RAB21: variants seen among roughly 807,000 people sequenced by gnomAD.
RAB21 encodes the protein RAB21, member RAS oncogene family, also known as ras-related protein Rab-21.
RAB21 carries 13 observed loss-of-function variants against 33.1 expected under a neutral mutation model. The ratio of observed to expected loss-of-function variants is 0.39; its 90% CI spans 0.26 to 0.62. The LOEUF (loss-of-function observed/expected upper bound fraction) is 0.62, where lower values mean the gene tolerates loss of function less well. RAB21 is among the 20% of genes least tolerant of loss of function. The pLI, the probability that RAB21 is intolerant of heterozygous loss-of-function variation, is 0.48. For synonymous variants in RAB21, 91 were observed against 103.7 expected (o/e 0.88, Z 0.74); for missense variants, 234 against 279.1 (o/e 0.84, Z 1.15).
intron 4 of RAB21, among the ~76,000 whole-genome samples, chr12:71,780,035 G>C (rs1883175483): frequency 6.6e-6 from 1 of 152,148 alleles, no homozygotes. Flanking sequence ...AGAAATAATA[G>C]TTATTTAGAT....
chr12:71,798,514 A>G lies in RAB21; in HGVS notation c.*12841A>G, dbSNP rs943275766. ...AATCATATCATGCATTGCTTAATTTATAAAGAACACCTAGAAATGAAAAAG... is the reference window on the plus strand; with the variant it reads ...AATCATATCATGCATTGCTTAATTTGTAAAGAACACCTAGAAATGAAAAAG... On this transcript the variant is annotated 3_prime_UTR_variant, in exon 7 of 7. Transcript: ENST00000261263. 9.2e-5 allele frequency: 14 copies of G among 152,208 alleles called. No homozygotes were observed. Among genetic ancestry groups the G allele is most frequent in the African/African-American group, 3.1e-4 (13 of 41,460 alleles). The allele number at this position is 152,208 out of a possible 1,614,324, so 9.4% of individuals were successfully genotyped here.
chr12:71,788,516 G>A lies in RAB21; in HGVS notation c.*2843G>A, dbSNP rs1883329632. 6.6e-6 allele frequency: 1 copy of A among 152,134 alleles called. No homozygotes were observed. Among genetic ancestry groups the A allele is most frequent in the African/African-American group, 2.4e-5 (1 of 41,448 alleles). 9.4% of individuals were successfully genotyped at this position (152,134 alleles called of 1,614,324 possible). Reference sequence around the variant, plus strand: ...AACTTCAGTATATATACAAAGGAAAGACAAAGAGATGATAAACCAAGGCTG... The same window carrying A: ...AACTTCAGTATATATACAAAGGAAAAACAAAGAGATGATAAACCAAGGCTG... On this transcript the variant is annotated 3_prime_UTR_variant, in exon 7 of 7. Coordinates refer to ENST00000261263, the MANE Select transcript of RAB21 (RefSeq NM_014999.4).
intron 1 of RAB21, among the ~76,000 whole-genome samples, chr12:71,758,573 C>T (rs1468144028): frequency 6.6e-6 from 1 of 151,722 alleles, no homozygotes; most frequent in Non-Finnish European, 1.5e-5. Context: ...CCTCCAACTC[C>T]TGGGTTCAAG....
rs537266820 is a variant in RAB21, at chr12:71,793,172, G to A, written c.*7499G>A. 6.6e-6 allele frequency: 1 copy of A among 152,226 alleles called. No individual in the cohort carries two copies. Among genetic ancestry groups the A allele is most frequent in the Admixed American group, 6.5e-5 (1 of 15,288 alleles). The allele number at this position is 152,226 out of a possible 1,614,324, so 9.4% of individuals were successfully genotyped here. A position where few individuals can be genotyped will look rare whatever the true frequency, so the allele number is the denominator to read the frequency against. On this transcript the variant is annotated 3_prime_UTR_variant, in exon 7 of 7. Transcript: ENST00000261263. ...GTTTGGTTTGGTTTGGTTTTGCGGT[G>A]ATTTTTTTTAACCTAGAAAAAATAC...
At chr12:71,778,317 G>T (rs1258834742) in intron 4 of RAB21, among the ~76,000 whole-genome samples, 2 of 152,138 alleles carry the variant, frequency 1.3e-5, no homozygotes, top group Admixed American at 6.5e-5. Flanking sequence ...TATGTTTCTT[G>T]AACAAATATT....
At position 71,800,054 on chromosome 12, in the gene RAB21, C is replaced by G. The variant is rs1883517552; in HGVS notation, c.*14381C>G. 1 of 140,046 alleles carries G rather than the reference C, an allele frequency of 7.1e-6. No individual in the cohort carries two copies. The highest frequency in any genetic ancestry group is 1.5e-5 in the Non-Finnish European group (1 of 65,980). The allele number at this position is 140,046 out of a possible 1,614,324, so 8.7% of individuals were successfully genotyped here. ...TGCCCCTGTACTCCAGCCTGAGCAACAGAGTGAGACTCTATCTCAAAAAAA... is the reference window on the plus strand; with the variant it reads ...TGCCCCTGTACTCCAGCCTGAGCAAGAGAGTGAGACTCTATCTCAAAAAAA... On this transcript the variant is annotated 3_prime_UTR_variant, in exon 7 of 7. Transcript: ENST00000261263.
intron 1 of RAB21, among the ~76,000 whole-genome samples, chr12:71,761,078 A>G (rs966703711): frequency 1.3e-5 from 2 of 151,838 alleles, no homozygotes; most frequent in Admixed American, 1.3e-4. Context: ...ATGGTGATGC[A>G]CACTCATATT....
intron 4 of RAB21, among the ~76,000 whole-genome samples, chr12:71,775,772 T>C (rs539143562): frequency 6.6e-6 from 1 of 152,178 alleles, no homozygotes; most frequent in East Asian, 1.9e-4. Context: ...CCTGACCTCA[T>C]GACCCACCCG....
intron 3 of RAB21, among the ~76,000 whole-genome samples, chr12:71,772,074 A>G (rs571028633): frequency 6.6e-6 from 1 of 152,212 alleles, no homozygotes; most frequent in African/African-American, 2.4e-5. Context: ...ACAATAATTT[A>G]TTATTTCTCA....
At chr12:71,760,378 G>A (rs1014464241) in intron 1 of RAB21, among the ~76,000 whole-genome samples, 2 of 151,708 alleles carry the variant, frequency 1.3e-5, no homozygotes, top group Non-Finnish European at 2.9e-5. Context: ...AACTTATATA[G>A]AGTCCCCAAG....
In RAB21 at chr12:71,792,598, A is replaced by G. The variant is rs1883403024; in HGVS notation, c.*6925A>G. On this transcript the variant is annotated 3_prime_UTR_variant, in exon 7 of 7. Coordinates refer to ENST00000261263, the MANE Select transcript of RAB21 (RefSeq NM_014999.4). ...AATTCAGAAAGCAGGTTAAGCATAT[A>G]TGTGAGTTTAATAATTGTTTCTGTA... is the stretch of plus-strand genomic sequence containing the variant. The G allele has an allele frequency of 6.6e-6, 1 of 152,234 alleles. No individual in the cohort carries two copies. The highest frequency in any genetic ancestry group is 2.4e-5 in the African/African-American group (1 of 41,452). 9.4% of individuals were successfully genotyped at this position (152,234 alleles called of 1,614,324 possible). A position where few individuals can be genotyped will look rare whatever the true frequency, so the allele number is the denominator to read the frequency against.
chr12:71,754,985 C>G lies in RAB21; in HGVS notation c.-145C>G. 2.6e-6 allele frequency: 2 copies of G among 782,526 alleles called. No individual in the cohort carries two copies. The highest frequency in any genetic ancestry group is 1.9e-5 in the African/African-American group (1 of 53,590). 48.5% of individuals were successfully genotyped at this position (782,526 alleles called of 1,614,324 possible). A position where few individuals can be genotyped will look rare whatever the true frequency, so the allele number is the denominator to read the frequency against. ...GGACTTTCCCTCAGCCCTTCCAGGC[C>G]TCGCCCGAGGAGGGCGTGGGGACAG... is the stretch of plus-strand genomic sequence containing the variant. On this transcript the variant is annotated 5_prime_UTR_variant, in exon 1 of 7. Coordinates refer to ENST00000261263, the MANE Select transcript of RAB21 (RefSeq NM_014999.4).
At chr12:71,768,257 A>G (rs1356005460) in intron 1 of RAB21, among the ~76,000 whole-genome samples, 4 of 152,026 alleles carry the variant, frequency 2.6e-5, no homozygotes, top group Admixed American at 6.6e-5. Context: ...TCTTAGTTCT[A>G]ATTTTCTGTG....
Position 71,770,707 on chromosome 12 carries a change from A to C in RAB21, c.327+8A>C, listed in dbSNP as rs113233547. ...GAAGATTCTTTTCAGAAGGTATTCT[A>C]TTCATGGGTAGATGTCTTAGAAGAA... On this transcript the variant is annotated splice_region_variant and intron_variant, in intron 3 of 6. Transcript: ENST00000261263. The C allele has an allele frequency of 6.6e-7, 1 of 1,512,008 alleles. No homozygotes were observed. The highest frequency in any genetic ancestry group is 9.2e-7 in the Non-Finnish European group (1 of 1,092,260). 93.7% of individuals were successfully genotyped at this position (1,512,008 alleles called of 1,614,324 possible).
intron 1 of RAB21, among the ~76,000 whole-genome samples, chr12:71,760,825 G>C (rs1253486820): frequency 1.3e-5 from 2 of 152,052 alleles, no homozygotes; most frequent in Non-Finnish European, 2.9e-5. Flanking sequence ...CTGAAGTCTA[G>C]GATAGGTGTC....
chr12:71,765,420 GTATT>G (rs1359875515), intron 1 of RAB21, among the ~76,000 whole-genome samples: 1 of 152,012 alleles, frequency 6.6e-6, no homozygotes, highest in Non-Finnish European at 1.5e-5. Context: ...ACTCTGCTGA[GTATT>G]TATTTTGCTG....
At chr12:71,776,097 T>C (rs958354514) in intron 4 of RAB21, among the ~76,000 whole-genome samples, 2 of 152,188 alleles carry the variant, frequency 1.3e-5, no homozygotes, top group African/African-American at 4.8e-5. Context: ...TATATGGACT[T>C]ACTAGGAGTG....
At position 71,797,653 on chromosome 12, in the gene RAB21, A is replaced by T. The variant is rs2137669492; in HGVS notation, c.*11980A>T. On this transcript the variant is annotated 3_prime_UTR_variant, in exon 7 of 7. Coordinates refer to ENST00000261263, the MANE Select transcript of RAB21 (RefSeq NM_014999.4). ...AAAAAAAAAAAAAGCAAGACTAGCC[A>T]GGAAAACTGAAAAAACAATGAGGAA... The T allele has an allele frequency of 6.7e-6, 1 of 150,010 alleles. No homozygotes were observed. Among genetic ancestry groups the T allele is most frequent in the African/African-American group, 2.4e-5 (1 of 40,900 alleles). The allele number at this position is 150,010 out of a possible 1,614,324, so 9.3% of individuals were successfully genotyped here.
At chr12:71,768,654 G>C (rs1001412054) in intron 1 of RAB21, among the ~76,000 whole-genome samples, 3 of 151,964 alleles carry the variant, frequency 2.0e-5, no homozygotes, top group African/African-American at 7.3e-5. Flanking sequence ...TTAAAATATA[G>C]ATCTGTTTCC....
Sources: gnomAD v4.1 joint callset for allele counts (sites outside exome capture counted in the v4.1 genomes callset) on GRCh38, gnomAD v4.1.1 for gene constraint, MANE v1.5 for transcripts, NCBI Gene and HGNC (gene_info 2026-07-23, HGNC 2026-07-21) for gene names.